The following MYOM3 variants were observed in gnomAD, a reference collection of about 807,000 sequenced individuals.
The protein encoded by MYOM3 is myomesin 3.
MYOM3 carries 155 observed loss-of-function variants against 191.7 expected under a neutral mutation model. The observed-to-expected ratio is 0.81, with a 90% CI of 0.71 to 0.92. MYOM3 has a LOEUF of 0.92. Among genes scored for constraint, MYOM3 ranks in the 40% least tolerant of loss-of-function variants. The pLI is 0.00. For missense variants in MYOM3, 1,889 were observed against 1,890.6 expected, an observed-to-expected ratio of 1.00 and a Z score of 0.02; for synonymous variants, 757 against 762.9, an observed-to-expected ratio of 0.99 and a Z score of 0.13.
intron 13 of MYOM3, 104 bp downstream of exon 13, chr1:24,089,960 TC>T (rs1175894115): frequency 6.7e-6 from 8 of 1,193,266 alleles, no homozygotes; most frequent in Non-Finnish European, 8.5e-6. Flanking sequence ...CCTGCCCTCA[TC>T]CCCCACACCC....
At position 24,080,148 on chromosome 1, in the gene MYOM3, C is replaced by T. The variant is rs776416651; in HGVS notation, c.2454G>A (p.Leu818=). ...VRASEVRATS[L]VLQWEPPLYM... is the part of the protein sequence containing the mutation. ...ACAGTGGGGGTTCCCACTGCAGCACCAGGGATGTGGCCCGCACCTCGGATG... is the reference window on the plus strand; with the variant it reads ...ACAGTGGGGGTTCCCACTGCAGCACTAGGGATGTGGCCCGCACCTCGGATG... The change falls in exon 20 of 37, where the codon CTG becomes CTA. Residue 818 remains leucine (L), a synonymous_variant. Transcript: ENST00000374434. 1.9e-6 allele frequency: 3 copies of T among 1,613,804 alleles called. No homozygotes were observed. Among genetic ancestry groups the T allele is most frequent in the South Asian group, 1.1e-5 (1 of 91,020 alleles).
At chr1:24,110,476 C>T (rs1165931614) in intron 1 of MYOM3, among the ~76,000 whole-genome samples, 2 of 152,116 alleles carry the variant, frequency 1.3e-5, no homozygotes, top group African/African-American at 4.8e-5. Flanking sequence ...AGCCCACTGG[C>T]TTTATTGGAG....
chr1:24,106,513 A>G (rs977816173), intron 4 of MYOM3, among the ~76,000 whole-genome samples: 1 of 152,186 alleles, frequency 6.6e-6, no homozygotes, highest in African/African-American at 2.4e-5. Context: ...GTCACTTTCC[A>G]AACCCAGTCT....
In MYOM3 at chr1:24,110,742, A is replaced by G. The variant is rs572869603; in HGVS notation, c.-19+1289T>C. On this transcript the variant is annotated intron_variant, in intron 1 of 36. Coordinates refer to ENST00000374434, the MANE Select transcript of MYOM3 (RefSeq NM_152372.4). The stretch of plus-strand genomic sequence containing the variant: ...GGACAGTCACCCTCTTTGGCTTCGT[A>G]TCACTCCCTCCCGATGGAAGAAGTT... Among the ~76,000 whole-genome samples the G allele has an allele frequency of 1.9e-4, 29 of 152,222 alleles. No individual in the cohort carries two copies. In the South Asian group the frequency reaches 5.8e-3, roughly 30 times the overall value.
chr1:24,096,054 T>C (rs539588052), intron 7 of MYOM3, among the ~76,000 whole-genome samples: 1 of 152,292 alleles, frequency 6.6e-6, no homozygotes, highest in East Asian at 1.9e-4. Flanking sequence ...AACAGCCCTG[T>C]CAGTTGGTAC....
At chr1:24,066,470 C>T (rs528206102) in intron 28 of MYOM3, 11 of 543,368 alleles carry the variant, frequency 2.0e-5, no homozygotes, top group Non-Finnish European at 3.0e-5. Context: ...GGGAGAGCAC[C>T]CACCCTCCCC....
intron 17 of MYOM3, 71 bp from the exon 18 acceptor site, chr1:24,082,259 G>C (rs1486778421): frequency 2.9e-6 from 4 of 1,366,496 alleles, no homozygotes; most frequent in East Asian, 2.5e-5. Flanking sequence ...GGGCCTGAGG[G>C]AGCTGACGAG....
At chr1:24,058,611 A>G (rs1253368185) in intron 36 of MYOM3, among the ~76,000 whole-genome samples, 1 of 152,244 alleles carries the variant, frequency 6.6e-6, no homozygotes, top group African/African-American at 2.4e-5. Context: ...ATTTACATAA[A>G]TAAGTTCAGT....
At chr1:24,103,985 C>T (rs1643961569) in intron 5 of MYOM3, among the ~76,000 whole-genome samples, 1 of 152,184 alleles carries the variant, frequency 6.6e-6, no homozygotes, top group African/African-American at 2.4e-5. Context: ...AATCACTCTC[C>T]TACCCTCTAG....
intron 36 of MYOM3, 96 bp from the exon 37 acceptor site, chr1:24,057,723 C>T (rs986845856): frequency 9.4e-7 from 1 of 1,063,048 alleles, no homozygotes; most frequent in Non-Finnish European, 1.4e-6. Context: ...GCTCAGGTTG[C>T]TCCCTGTGAT....
chr1:24,078,604 T>G (rs1209887851), intron 20 of MYOM3, among the ~76,000 whole-genome samples: 1 of 152,206 alleles, frequency 6.6e-6, no homozygotes. Flanking sequence ...TCCTGCCTGC[T>G]GGGGAAAAGC....
Position 24,095,400 on chromosome 1 carries a change from G to A in MYOM3, c.790+42C>T, listed in dbSNP as rs749205347. 2.5e-6 allele frequency: 4 copies of A among 1,588,452 alleles called. No individual in the cohort carries two copies. The South Asian group carries it at 3.3e-5, about 13-fold the overall frequency. On this transcript the variant is annotated intron_variant, in intron 8 of 36. Coordinates refer to ENST00000374434, the MANE Select transcript of MYOM3 (RefSeq NM_152372.4). The stretch of plus-strand genomic sequence containing the variant: ...CTGTGGGGGTCGGGGAGCAAAGCCT[G>A]AACAAAGAATCCCAGGTCCCGTTCT...
In MYOM3 at chr1:24,062,006, TGTATTTGC is replaced by T. The variant is rs752626832; in HGVS notation, c.3866_3873del (p.Gly1289AspfsTer23). On this transcript the variant is annotated frameshift_variant, in exon 33 of 37. Transcript: ENST00000374434. LOFTEE classifies it high-confidence loss of function. ...TCCTTCCCTGCAGCTATTTCCAGAG[TGTATTTGC>T]CCTTGTCTGAGTCTTTGGGGTCCAG... is the stretch of plus-strand genomic sequence containing the variant. The T allele has an allele frequency of 6.2e-7, 1 of 1,614,060 alleles. No individual in the cohort carries two copies. Among genetic ancestry groups the T allele is most frequent in the South Asian group, 1.1e-5 (1 of 91,078 alleles).
intron 5 of MYOM3, 81 bp from the exon 6 acceptor site, chr1:24,099,856 C>A: frequency 9.7e-7 from 1 of 1,029,996 alleles, no homozygotes; most frequent in Non-Finnish European, 1.5e-6. Flanking sequence ...GGGATTCCAG[C>A]TGCAGGTTTT....
rs1643616292 is a variant in MYOM3 at position 24,077,475 on chromosome 1, T to A, written c.2587-1202A>T. On this transcript the variant is annotated intron_variant, in intron 20 of 36. Transcript: ENST00000374434. ...CCTCCCTGCCTTTGCCCTTGCTGAG[T>A]GCGCTGCCTGGAATGCCGTCCCGCC... Among the ~76,000 whole-genome samples, 4 of 152,136 alleles carry A rather than the reference T, an allele frequency of 2.6e-5. No homozygotes were observed. In the South Asian group the frequency reaches 8.3e-4, roughly 32 times the overall value.
chr1:24,066,730 AC>A (rs1254710926), intron 28 of MYOM3: 1 of 436,740 alleles, frequency 2.3e-6, no homozygotes, highest in Non-Finnish European at 4.0e-6. Context: ...CAACATATAA[AC>A]CCTCGTGGGC....
intron 5 of MYOM3, among the ~76,000 whole-genome samples, chr1:24,100,608 C>G (rs1037964164): frequency 6.6e-6 from 1 of 152,184 alleles, no homozygotes; most frequent in Non-Finnish European, 1.5e-5. Context: ...ATGTCCAGGC[C>G]GGGCACGGTG....
chr1:24,086,509 C>T (rs1643748911), intron 15 of MYOM3, 135 bp downstream of exon 15: 3 of 874,358 alleles, frequency 3.4e-6, no homozygotes, highest in Non-Finnish European at 5.1e-6. Flanking sequence ...GGCCTGAGAT[C>T]AAATTGCTTT....
In MYOM3 at chr1:24,086,820, A is replaced by G. The variant is rs1320821057; in HGVS notation, c.1622T>C (p.Ile541Thr). 5 of 1,613,904 alleles carry G rather than the reference A, an allele frequency of 3.1e-6. No homozygotes were observed. The highest frequency in any genetic ancestry group is 4.2e-6 in the Non-Finnish European group (5 of 1,179,862). Residue 541 changes from isoleucine (I) to threonine (T), a missense_variant, in exon 15 of 37, where the codon ATA becomes ACA. Transcript: ENST00000374434. ...PLTYSLEKSV[I>T]GSGTWEAISS... is the part of the protein sequence containing the mutation. Reference sequence around the variant, plus strand: ...GATGGCCTCCCAGGTGCCACTACCTATGACTGACTGAAGAAACAGAGGGAC... The same window carrying G: ...GATGGCCTCCCAGGTGCCACTACCTGTGACTGACTGAAGAAACAGAGGGAC...
Sources: gnomAD v4.1 joint callset for allele counts (sites outside exome capture counted in the v4.1 genomes callset) on GRCh38, gnomAD v4.1.1 for gene constraint, MANE v1.5 for transcripts, NCBI Gene and HGNC (gene_info 2026-07-23, HGNC 2026-07-21) for gene names.